The following CHST11 variants were observed in gnomAD, a reference collection of about 807,000 sequenced individuals.
CHST11 encodes the protein C4S-1.
In CHST11, 9 loss-of-function variants were observed where a neutral mutation model predicts 30.4. The ratio of observed to expected loss-of-function variants is 0.30; its 90% CI spans 0.18 to 0.52. The LOEUF is 0.52. Ranked by LOEUF, CHST11 falls within the 20% of genes least tolerant of loss-of-function variation. CHST11 has a pLI of 0.97. For missense variants in CHST11, 348 were observed against 460.6 expected (o/e 0.76, Z 2.24); for synonymous variants, 152 against 187.8 (o/e 0.81, Z 1.56).
intron 2 of CHST11, among the ~76,000 whole-genome samples, chr12:104,718,444 G>T (rs2040148239): frequency 6.6e-6 from 1 of 152,218 alleles, no homozygotes; most frequent in South Asian, 2.1e-4. Context: ...GGAGACTGAG[G>T]CTGACAAGGA....
At chr12:104,641,845 T>C (rs2039379857) in intron 2 of CHST11, among the ~76,000 whole-genome samples, 1 of 152,126 alleles carries the variant, frequency 6.6e-6, no homozygotes, top group African/African-American at 2.4e-5. Context: ...AAATAAAAAG[T>C]CTGTAATCAC....
chr12:104,534,450 C>T (rs1232026170), intron 1 of CHST11, among the ~76,000 whole-genome samples: 4 of 152,164 alleles, frequency 2.6e-5, no homozygotes, highest in African/African-American at 9.7e-5. Context: ...TTCCAAGTTG[C>T]GGTTAGTCAC....
chr12:104,724,544 T>TG (rs2040202535), intron 2 of CHST11, among the ~76,000 whole-genome samples: 1 of 152,070 alleles, frequency 6.6e-6, no homozygotes, highest in African/African-American at 2.4e-5. Flanking sequence ...TCTTGCCATG[T>TG]GGAAGCATTT....
At chr12:104,684,976 G>A (rs994298213) in intron 2 of CHST11, among the ~76,000 whole-genome samples, 4 of 152,210 alleles carry the variant, frequency 2.6e-5, no homozygotes, top group African/African-American at 9.6e-5. Context: ...TAAAGTGCAA[G>A]AGTAAGTCAA....
At chr12:104,508,215 C>G (rs1309146184) in intron 1 of CHST11, among the ~76,000 whole-genome samples, 1 of 146,610 alleles carries the variant, frequency 6.8e-6, no homozygotes, top group Admixed American at 6.6e-5. Context: ...CCTTGGCTTA[C>G]CCATCTGATC....
At chr12:104,572,584 A>C (rs370499626) in intron 1 of CHST11, among the ~76,000 whole-genome samples, 1 of 151,518 alleles carries the variant, frequency 6.6e-6, no homozygotes, top group South Asian at 2.1e-4. Context: ...TTTTTATTGC[A>C]TCTATTTGAT....
intron 1 of CHST11, among the ~76,000 whole-genome samples, chr12:104,593,081 G>A (rs1210321936): frequency 1.3e-5 from 2 of 152,184 alleles, no homozygotes; most frequent in Admixed American, 6.5e-5. Context: ...GCTATACCAA[G>A]CACATTCACG....
chr12:104,616,440 C>G (rs1457706378), intron 2 of CHST11, among the ~76,000 whole-genome samples: 2 of 151,792 alleles, frequency 1.3e-5, no homozygotes, highest in Non-Finnish European at 2.9e-5. Flanking sequence ...AATTGGCCCC[C>G]ACCCCAGCCT....
chr12:104,558,507 A>G (rs969829735), intron 1 of CHST11, among the ~76,000 whole-genome samples: 2 of 145,868 alleles, frequency 1.4e-5, no homozygotes, highest in African/African-American at 5.1e-5. Context: ...AATTCTGTTG[A>G]CTATTGTCAT....
intron 1 of CHST11, among the ~76,000 whole-genome samples, chr12:104,555,724 C>T (rs770032870): frequency 2.0e-5 from 3 of 152,220 alleles, no homozygotes; most frequent in Admixed American, 6.5e-5. Flanking sequence ...CTGCTGTGTC[C>T]GGAAGCATTA....
chr12:104,614,118 ACTAT>A (rs1476257909), intron 2 of CHST11, among the ~76,000 whole-genome samples: 4 of 152,216 alleles, frequency 2.6e-5, no homozygotes, highest in Admixed American at 6.5e-5. Context: ...CATCACTTTC[ACTAT>A]CTATCTCTCT....
At chr12:104,640,303 A>G (rs752124186) in intron 2 of CHST11, among the ~76,000 whole-genome samples, 1 of 152,228 alleles carries the variant, frequency 6.6e-6, no homozygotes, top group Non-Finnish European at 1.5e-5. Flanking sequence ...TTTATTCATA[A>G]TTGCCAAAAC....
At chr12:104,701,576 T>C (rs757131890) in intron 2 of CHST11, among the ~76,000 whole-genome samples, 1 of 152,078 alleles carries the variant, frequency 6.6e-6, no homozygotes, top group Non-Finnish European at 1.5e-5. Flanking sequence ...AAGCAGAGGC[T>C]AAAGACACAG....
At chr12:104,650,686 G>T (rs555607089) in intron 2 of CHST11, among the ~76,000 whole-genome samples, 2 of 152,312 alleles carry the variant, frequency 1.3e-5, no homozygotes, top group African/African-American at 4.8e-5. Context: ...CCCATCCAAG[G>T]CTTTGCTAGC....
intron 1 of CHST11, among the ~76,000 whole-genome samples, chr12:104,486,406 C>T (rs1288554889): frequency 1.3e-5 from 2 of 151,920 alleles, no homozygotes; most frequent in Non-Finnish European, 2.9e-5. Flanking sequence ...CGGGGTGCTC[C>T]CAGCTTTCAC....
At chr12:104,703,202 G>C (rs993897830) in intron 2 of CHST11, among the ~76,000 whole-genome samples, 2 of 152,218 alleles carry the variant, frequency 1.3e-5, no homozygotes, top group African/African-American at 4.8e-5. Context: ...TAGAGTATGT[G>C]CTAGGTGAAT....
intron 1 of CHST11, among the ~76,000 whole-genome samples, chr12:104,543,238 C>G (rs1286763180): frequency 6.6e-6 from 1 of 152,164 alleles, no homozygotes; most frequent in Non-Finnish European, 1.5e-5. Flanking sequence ...TGAGAACTCA[C>G]TCATTACCAA....
rs2040526919 is a variant in CHST11, at chr12:104,761,557, C to T, written c.*3754C>T. On this transcript the variant is annotated 3_prime_UTR_variant, in exon 3 of 3. Transcript: ENST00000303694. ...GTGACCAAATCCCTTCCTTGCCCAC[C>T]TCTATGTCAGCAGGACTGACCACAT... 6.5e-6 allele frequency: 1 copy of T among 153,014 alleles called. No individual in the cohort carries two copies. The highest frequency in any genetic ancestry group is 1.5e-5 in the Non-Finnish European group (1 of 68,850). The allele number at this position is 153,014 out of a possible 1,614,324, so 9.5% of individuals were successfully genotyped here.
chr12:104,603,045 G>A (rs2038972248), intron 2 of CHST11, among the ~76,000 whole-genome samples: 1 of 152,106 alleles, frequency 6.6e-6, no homozygotes, highest in Non-Finnish European at 1.5e-5. Context: ...GTGTGACTTG[G>A]CCAGATTAGC....
Sources: allele counts gnomAD v4.1 joint callset (sites outside exome capture counted in the v4.1 genomes callset), GRCh38; gene constraint gnomAD v4.1.1; transcripts MANE v1.5; gene names NCBI Gene and HGNC (gene_info 2026-07-23, HGNC 2026-07-21).